MRE11: variants seen among roughly 807,000 people sequenced by gnomAD.
MRE11 encodes MRE11 double strand break repair nuclease.
MRE11 carries 62 observed loss-of-function variants against 91.7 expected under a neutral mutation model. The observed-to-expected ratio is 0.68, with a 90% confidence interval of 0.55 to 0.84. The LOEUF (loss-of-function observed/expected upper bound fraction) is 0.84. Among genes scored for constraint, MRE11 ranks in the 40% least tolerant of loss-of-function variants. The probability of loss-of-function intolerance (pLI) is 0.00; values close to 1 mark genes in which losing one functional copy is unlikely to be tolerated. For synonymous variants in MRE11, 273 were observed against 271.4 expected (o/e 1.01, Z -0.06); for missense variants, 796 against 852.9 (o/e 0.93, Z 0.83).
rs571532130 is a variant in MRE11 at position 94,418,262 on chromosome 11, A to G, written c.*1863T>C. 1.8e-4 allele frequency: 42 copies of G among 233,146 alleles called. 1 individual carries two copies. The South Asian group carries it at 7.6e-3, about 42-fold the overall frequency. The allele number at this position is 233,146 out of a possible 1,614,324, so 14.4% of individuals were successfully genotyped here. A position where few individuals can be genotyped will look rare whatever the true frequency, so the allele number is the denominator to read the frequency against. Reference sequence around the variant, plus strand: ...ATATTTTCAGGGCTTGATACATAGTATTCACAAAATGACCTGAATTAGCTG... The same window carrying G: ...ATATTTTCAGGGCTTGATACATAGTGTTCACAAAATGACCTGAATTAGCTG... On this transcript the variant is annotated 3_prime_UTR_variant, in exon 20 of 20. Coordinates refer to ENST00000323929, the MANE Select transcript of MRE11 (RefSeq NM_005591.4).
rs13447698 is a variant in MRE11 at position 94,446,053 on chromosome 11, T to C, written c.1784-160A>G. Among the ~76,000 whole-genome samples, 421 of 152,360 alleles carry C rather than the reference T, an allele frequency of 2.8e-3. 4 individuals carry two copies. Among genetic ancestry groups the C allele is most frequent in the African/African-American group, 9.7e-3 (402 of 41,588 alleles). On this transcript the variant is annotated intron_variant, in intron 15 of 19. Coordinates refer to ENST00000323929, the MANE Select transcript of MRE11 (RefSeq NM_005591.4). ...ACAAACATCTAGAGTCTGACCAATT[T>C]TCAGAGACTATTCTTTTAGGCCACA...
At chr11:94,465,158 A>G (rs1946528014) in intron 10 of MRE11, among the ~76,000 whole-genome samples, 3 of 152,226 alleles carry the variant, frequency 2.0e-5, no homozygotes, top group Non-Finnish European at 4.4e-5. Flanking sequence ...TCTTTTAGTC[A>G]GTACAATGTA....
intron 17 of MRE11, among the ~76,000 whole-genome samples, chr11:94,436,909 C>A (rs902513741): frequency 2.0e-5 from 3 of 152,110 alleles, no homozygotes; most frequent in African/African-American, 7.2e-5. Flanking sequence ...TGTATGAGCT[C>A]TTTTGGTTCA....
At chr11:94,474,323 A>C (rs1477396275) in intron 7 of MRE11, among the ~76,000 whole-genome samples, 1 of 152,124 alleles carries the variant, frequency 6.6e-6, no homozygotes, top group Non-Finnish European at 1.5e-5. Context: ...ACAGATGGGA[A>C]GACATTGAAA....
In MRE11 at chr11:94,431,847, C is replaced by T. The variant is rs191220150; in HGVS notation, c.1995-1861G>A. On this transcript the variant is annotated intron_variant, in intron 18 of 19. Transcript: ENST00000323929. The stretch of plus-strand genomic sequence containing the variant: ...TTTCATGTCTAAAGAAATCGGCAGA[C>T]ATTTATACAGCTGAAAAGTAAACAA... Among the ~76,000 whole-genome samples, 7 of 152,192 alleles carry T rather than the reference C, an allele frequency of 4.6e-5. No homozygotes were observed. The East Asian group carries it at 1.3e-3, about 29-fold the overall frequency.
At chr11:94,510,104 G>A in the MRE11 span, among the ~76,000 whole-genome samples, 1 of 152,006 alleles carries the variant, frequency 6.6e-6, no homozygotes, top group Non-Finnish European at 1.5e-5. Context: ...TAAATGTTTG[G>A]AAGATACCAG....
intron 6 of MRE11, 92 bp from the exon 7 acceptor site, chr11:94,476,495 G>A (rs1591703537): frequency 1.2e-6 from 1 of 812,562 alleles, no homozygotes; most frequent in African/African-American, 1.7e-5. Context: ...CCTTCTCAAA[G>A]TATTTCACTT....
chr11:94,476,333 T>C lies in MRE11; in HGVS notation c.615A>G (p.Glu205=). The change falls in exon 7 of 20, where the codon GAA becomes GAG. Residue 205 remains glutamate (E), a synonymous_variant. Transcript: ENST00000323929. The part of the protein sequence containing the change: ...NKKVTMLRPK[E]DENSWFNLFV... Reference sequence around the variant, plus strand: ...ATAAGTTAAACCAAGAGTTCTCATCTTCCTTTGGTCTCAACATTGTTACTT... The same window carrying C: ...ATAAGTTAAACCAAGAGTTCTCATCCTCCTTTGGTCTCAACATTGTTACTT... 6.2e-7 allele frequency: 1 copy of C among 1,613,550 alleles called. No homozygotes were observed. Among genetic ancestry groups the C allele is most frequent in the Non-Finnish European group, 8.5e-7 (1 of 1,179,590 alleles).
chr11:94,463,373 T>C (rs1242764307), intron 11 of MRE11, among the ~76,000 whole-genome samples: 1 of 152,132 alleles, frequency 6.6e-6, no homozygotes, highest in Admixed American at 6.6e-5. Flanking sequence ...GACAGTGTGG[T>C]GATTCCTCAA....
chr11:94,511,420 A>G, the MRE11 span, among the ~76,000 whole-genome samples: 5 of 152,250 alleles, frequency 3.3e-5, no homozygotes, highest in East Asian at 9.6e-4. Context: ...TTTCAGGTAT[A>G]TAGCAATGCA....
chr11:94,505,737 C>T, the MRE11 span, among the ~76,000 whole-genome samples: 2 of 152,096 alleles, frequency 1.3e-5, no homozygotes, highest in African/African-American at 2.4e-5. Context: ...TCACATTTGC[C>T]CACCACTCAC....
At position 94,464,239 on chromosome 11, in the gene MRE11, C is replaced by A. The variant is rs1555010974; in HGVS notation, c.1099G>T (p.Val367Leu). The A allele has an allele frequency of 6.2e-7, 1 of 1,613,820 alleles. No homozygotes were observed. The highest frequency in any genetic ancestry group is 8.5e-7 in the Non-Finnish European group (1 of 1,179,860). Reference sequence around the variant, plus strand: ...GGTTCAAAACCTCCACTATAGTCCACCTGAAAACACAGAATAATCTATGAA... The same window carrying A: ...GGTTCAAAACCTCCACTATAGTCCAACTGAAAACACAGAATAATCTATGAA... ...QPEKPLVRLRVDYSGGFEPFS... is the reference protein window; with the variant it reads ...QPEKPLVRLRLDYSGGFEPFS... Residue 367 changes from valine (V) to leucine (L), a missense_variant and splice_region_variant, in exon 11 of 20, where the codon GTG (valine) becomes TTG (leucine). Transcript: ENST00000323929.
At chr11:94,427,899 C>T (rs1175215869) in intron 19 of MRE11, among the ~76,000 whole-genome samples, 1 of 152,148 alleles carries the variant, frequency 6.6e-6, no homozygotes, top group African/African-American at 2.4e-5. Flanking sequence ...ACAGATAACA[C>T]AAACGCAAAA....
chr11:94,436,233 C>T (rs1383180350), intron 17 of MRE11, among the ~76,000 whole-genome samples: 1 of 152,148 alleles, frequency 6.6e-6, no homozygotes, highest in Admixed American at 6.5e-5. Flanking sequence ...GTGAGACCAT[C>T]AGTGTTCCAT....
At chr11:94,477,972 A>C (rs1032091838) in intron 6 of MRE11, among the ~76,000 whole-genome samples, 11 of 152,206 alleles carry the variant, frequency 7.2e-5, no homozygotes. Context: ...CATTCAGAGA[A>C]GAGACTGATA....
chr11:94,448,770 G>A (rs989160348), intron 14 of MRE11, among the ~76,000 whole-genome samples: 4 of 152,040 alleles, frequency 2.6e-5, no homozygotes, highest in African/African-American at 9.7e-5. Flanking sequence ...ACTCCAGCCT[G>A]GCAACAGAGC....
chr11:94,451,128 A>G (rs1227184093), intron 14 of MRE11, among the ~76,000 whole-genome samples: 1 of 152,094 alleles, frequency 6.6e-6, no homozygotes, highest in Non-Finnish European at 1.5e-5. Context: ...ATATAAAAAA[A>G]AAAATTAAAA....
chr11:94,452,057 T>C (rs1187224892), intron 14 of MRE11, among the ~76,000 whole-genome samples: 2 of 151,778 alleles, frequency 1.3e-5, no homozygotes, highest in Non-Finnish European at 2.9e-5. Flanking sequence ...AATACAAAAA[T>C]TAGCTGGGCA....
chr11:94,477,296 A>G (rs1034743972), intron 6 of MRE11, among the ~76,000 whole-genome samples: 5 of 152,228 alleles, frequency 3.3e-5, no homozygotes, highest in African/African-American at 1.2e-4. Context: ...CATTGTTTTA[A>G]TATATTGTGC....
Sources: gnomAD v4.1 joint callset for allele counts (sites outside exome capture counted in the v4.1 genomes callset) on GRCh38, gnomAD v4.1.1 for gene constraint, MANE v1.5 for transcripts, NCBI Gene and HGNC (gene_info 2026-07-23, HGNC 2026-07-21) for gene names.